Variants in NTRK3 observed in about 807,000 individuals in gnomAD.
NTRK3 encodes the protein NT-3 growth factor receptor.
NTRK3 carries 24 observed loss-of-function variants against 91.7 expected under a neutral mutation model. That is an observed-to-expected ratio of 0.26 (90% CI 0.19 to 0.37). The LOEUF is 0.37. Among genes scored for constraint, NTRK3 ranks in the 10% least tolerant of loss-of-function variants. The pLI is 1.00. For missense variants in NTRK3, 880 were observed against 1,068.9 expected (o/e 0.82, Z 2.46); for synonymous variants, 483 against 404.0 (o/e 1.20, Z -2.34).
chr15:88,242,082 C>G (rs1411358226), intron 3 of NTRK3, among the ~76,000 whole-genome samples: 2 of 152,164 alleles, frequency 1.3e-5, no homozygotes, highest in Non-Finnish European at 2.9e-5. Flanking sequence ...GGGAAGAGCA[C>G]GTAGCCACCT....
intron 17 of NTRK3, among the ~76,000 whole-genome samples, chr15:87,923,187 T>C (rs1398842932): frequency 6.6e-6 from 1 of 152,200 alleles, no homozygotes. Context: ...CTGGCAGAGA[T>C]TGCCAGCTAT....
chr15:88,119,367 A>C (rs1488918611), intron 13 of NTRK3, among the ~76,000 whole-genome samples: 3 of 152,204 alleles, frequency 2.0e-5, no homozygotes, highest in Non-Finnish European at 4.4e-5. Context: ...TGGCTTCTAT[A>C]AATTTATGTC....
intron 3 of NTRK3, among the ~76,000 whole-genome samples, chr15:88,214,556 C>T (rs1470243264): frequency 1.3e-5 from 2 of 151,768 alleles, no homozygotes; most frequent in Non-Finnish European, 2.9e-5. Flanking sequence ...TAGACATGAG[C>T]TTTACAAGGA....
At chr15:88,010,652 T>C (rs1338985650) in intron 14 of NTRK3, among the ~76,000 whole-genome samples, 2 of 152,180 alleles carry the variant, frequency 1.3e-5, no homozygotes, top group Non-Finnish European at 2.9e-5. Context: ...ATTTTATTTT[T>C]AAAATATGCA....
At chr15:87,869,593 C>T (rs576735476) in exon 19 of NTRK3, 3 of 212,710 alleles carry the variant, frequency 1.4e-5, no homozygotes, top group South Asian at 1.9e-4. Flanking sequence ...TTAAGACTTT[C>T]GTGGAGTTTG....
At chr15:88,248,415 G>C (rs1349418873) in intron 3 of NTRK3, among the ~76,000 whole-genome samples, 1 of 152,174 alleles carries the variant, frequency 6.6e-6, no homozygotes, top group African/African-American at 2.4e-5. Context: ...ATCCCAGCCA[G>C]GGTAACTCCC....
rs1344076109 is a variant in NTRK3, at chr15:88,240,882, A to C, written c.248+15024T>G. 2.0e-5 allele frequency among the ~76,000 whole-genome samples: 3 copies of C among 152,234 alleles called. No homozygotes were observed. Among genetic ancestry groups the C allele is most frequent in the Non-Finnish European group, 2.9e-5 (2 of 68,034 alleles). On this transcript the variant is annotated intron_variant, in intron 3 of 18. Transcript: ENST00000394480. The surrounding 1 kb of genome is among the most constrained non-coding windows in gnomAD (Gnocchi z 4.9). ...CTGCTAAGGGCAAAGCCCGAGGCCC[A>C]CAAAGGTGTGGAGAGCAATGAGAAT...
intron 13 of NTRK3, chr15:88,098,918 T>C (rs965714409): frequency 4.3e-6 from 1 of 232,702 alleles, no homozygotes. Context: ...ATCTGTAGGT[T>C]TAAAAAAGTC....
intron 5 of NTRK3, among the ~76,000 whole-genome samples, chr15:88,171,120 C>T (rs985914662): frequency 5.9e-5 from 9 of 152,150 alleles, no homozygotes; most frequent in African/African-American, 2.2e-4. Context: ...AGAGAAACAG[C>T]TGTCGGAGGA....
intron 17 of NTRK3, chr15:87,928,520 C>T (rs2068520071): frequency 6.5e-6 from 1 of 152,948 alleles, no homozygotes; most frequent in African/African-American, 2.4e-5. Flanking sequence ...TAATGTAAAG[C>T]AGATGACTAT....
chr15:88,173,976 T>A (rs748099931), intron 5 of NTRK3, among the ~76,000 whole-genome samples: 4 of 152,216 alleles, frequency 2.6e-5, no homozygotes, highest in African/African-American at 9.6e-5. Context: ...TGAAATGACA[T>A]ATAAAGTGCA....
At chr15:87,907,146 C>G (rs1289026023) in intron 17 of NTRK3, among the ~76,000 whole-genome samples, 1 of 151,990 alleles carries the variant, frequency 6.6e-6, no homozygotes, top group Non-Finnish European at 1.5e-5. Context: ...TAAATTTGAC[C>G]AATTTGATAT....
chr15:88,252,439 C>T (rs1324151806), intron 3 of NTRK3: 1 of 152,192 alleles, frequency 6.6e-6, no homozygotes, highest in African/African-American at 2.4e-5. Context: ...TGTGGCGGCT[C>T]AGAGTGAGAC....
At chr15:88,047,995 A>T (rs943565545) in intron 13 of NTRK3, among the ~76,000 whole-genome samples, 16 of 152,190 alleles carry the variant, frequency 1.1e-4, no homozygotes, top group Admixed American at 1.0e-3. Flanking sequence ...CCTATCTCCT[A>T]AACTCCCTTT....
intron 14 of NTRK3, among the ~76,000 whole-genome samples, chr15:88,012,692 C>A (rs2076963054): frequency 6.6e-6 from 1 of 152,170 alleles, no homozygotes; most frequent in African/African-American, 2.4e-5. Context: ...TTATAATGCA[C>A]TATTAGTAAC....
chr15:88,157,908 A>G (rs774093870), intron 5 of NTRK3, among the ~76,000 whole-genome samples: 3 of 152,148 alleles, frequency 2.0e-5, no homozygotes, highest in Non-Finnish European at 4.4e-5. Flanking sequence ...TACTCAAACC[A>G]GGGCAGCTGA....
chr15:87,864,604 T>C (rs1345308566), exon 19 of NTRK3: 1 of 230,680 alleles, frequency 4.3e-6, no homozygotes, highest in Non-Finnish European at 8.6e-6. Context: ...TCAGAATAAA[T>C]TATGAAACTT....
intron 13 of NTRK3, among the ~76,000 whole-genome samples, chr15:88,040,713 GTTC>G (rs1009168563): frequency 1.3e-5 from 2 of 152,196 alleles, no homozygotes; most frequent in African/African-American, 4.8e-5. Flanking sequence ...TGTAGAAGTG[GTTC>G]TTCTCCAAAT....
intron 14 of NTRK3, among the ~76,000 whole-genome samples, chr15:87,980,785 G>T (rs141227748): frequency 6.6e-6 from 1 of 152,338 alleles, no homozygotes; most frequent in East Asian, 1.9e-4. Context: ...GGTGGGGTCA[G>T]ATTTGTGAAG....
Sources: gnomAD v4.1 joint callset for allele counts (sites outside exome capture counted in the v4.1 genomes callset) on GRCh38, gnomAD v4.1.1 for gene constraint, Gnocchi (gnomAD v3.1) non-coding constraint, MANE v1.5 for transcripts, NCBI Gene and HGNC (gene_info 2026-07-23, HGNC 2026-07-21) for gene names.